ZGRF1: variants seen among roughly 807,000 people sequenced by gnomAD.
The protein encoded by ZGRF1 is 5'-3' DNA helicase ZGRF1.
ZGRF1 carries 196 observed loss-of-function variants against 203.5 expected under a neutral mutation model. That is an observed-to-expected ratio of 0.96 (90% CI 0.86 to 1.08). ZGRF1 has a LOEUF of 1.08. Ranked by LOEUF, ZGRF1 falls within the 50% of genes least tolerant of loss-of-function variation. The pLI, the probability that ZGRF1 is intolerant of heterozygous loss-of-function variation, is 0.00. For missense variants in ZGRF1, 2,326 were observed against 2,416.3 expected, an observed-to-expected ratio of 0.96 and a Z score of 0.78; for synonymous variants, 809 against 841.3, an observed-to-expected ratio of 0.96 and a Z score of 0.66.
At chr4:112,606,233 C>T (rs761876011) in intron 8 of ZGRF1, 142 bp from the exon 9 acceptor site, 26 of 602,492 alleles carry the variant, frequency 4.3e-5, no homozygotes, top group Non-Finnish European at 7.2e-5. Context: ...TCTGTCTACA[C>T]ACACATACAA....
Position 112,539,883 on chromosome 4 carries a change from C to T in ZGRF1, c.6152G>A (p.Arg2051Gln), listed in dbSNP as rs1251687820. ...TTTACCTTCGCAGTGTTGGATCACT[C>T]GTCCCCAAAGTTGATTTTTCCTCAA... is the stretch of plus-strand genomic sequence containing the variant. ...ACLRKNQLWG[R>Q]VIQHCEGRED... The change falls in exon 27 of 28, where the codon CGA (arginine) becomes CAA (glutamine). Residue 2051 changes from arginine (R) to glutamine (Q), a missense_variant. Transcript: ENST00000505019. The T allele has an allele frequency of 6.2e-7, 1 of 1,613,670 alleles. No individual in the cohort carries two copies. The highest frequency in any genetic ancestry group is 1.3e-5 in the African/African-American group (1 of 74,912).
intron 10 of ZGRF1, among the ~76,000 whole-genome samples, chr4:112,595,352 G>A (rs926474467): frequency 3.3e-5 from 5 of 152,026 alleles, no homozygotes; most frequent in Admixed American, 2.6e-4. Context: ...ATTATACTAT[G>A]ATTTAGCCCT....
intron 24 of ZGRF1, among the ~76,000 whole-genome samples, chr4:112,542,053 T>C (rs941266177): frequency 6.6e-6 from 1 of 152,108 alleles, no homozygotes; most frequent in Non-Finnish European, 1.5e-5. Flanking sequence ...TAGTAAATAA[T>C]GCTCACGCCA....
intron 7 of ZGRF1, among the ~76,000 whole-genome samples, chr4:112,611,463 C>T (rs2046675163): frequency 6.6e-6 from 1 of 152,138 alleles, no homozygotes; most frequent in African/African-American, 2.4e-5. Flanking sequence ...TCTTTTGTTC[C>T]AAACATGTCT....
intron 5 of ZGRF1, 109 bp downstream of exon 5, chr4:112,619,893 C>T (rs1042389728): frequency 5.2e-6 from 5 of 965,604 alleles, no homozygotes; most frequent in African/African-American, 1.7e-5. Context: ...CCTAAGTATA[C>T]TATGAAGTGC....
At chr4:112,602,740 T>A (rs1750169985) in intron 10 of ZGRF1, among the ~76,000 whole-genome samples, 1 of 152,176 alleles carries the variant, frequency 6.6e-6, no homozygotes, top group Non-Finnish European at 1.5e-5. Flanking sequence ...GGCAACAACA[T>A]AAATGAATTT....
rs747742862 is a variant in ZGRF1 at position 112,603,670 on chromosome 4, T to C, written c.2830A>G (p.Lys944Glu). The stretch of plus-strand genomic sequence containing the variant: ...ATTACACCACTAGTAGCTGATCCTT[T>C]TACTTGATGTCCTTGAAACTCAACA... ...KPVEFQGHQV[K>E]GSATSGVMVR... The change falls in exon 10 of 28, where the codon AAA (lysine) becomes GAA (glutamate). Residue 944 changes from lysine to glutamate, a missense_variant. Physicochemically the swap from Lys to Glu is moderately conservative, Grantham distance 56 (BLOSUM62 1). Transcript: ENST00000505019. 2 of 1,613,640 alleles carry C rather than the reference T, an allele frequency of 1.2e-6. No homozygotes were observed. The highest frequency in any genetic ancestry group is 2.7e-5 in the African/African-American group (2 of 74,924).
At position 112,618,980 on chromosome 4, in the gene ZGRF1, G is replaced by A. The variant is rs1232293329; in HGVS notation, c.1062C>T (p.Ala354=). 13 of 1,613,346 alleles carry A rather than the reference G, an allele frequency of 8.1e-6. No individual in the cohort carries two copies. Among genetic ancestry groups the A allele is most frequent in the Non-Finnish European group, 9.3e-6 (11 of 1,179,796 alleles). Residue 354 remains alanine, a synonymous_variant, in exon 6 of 28, where the codon GCC becomes GCT. Transcript: ENST00000505019. ...DGNDTERKPK[A]QEDDVNSNLK... ...AATTAGAATTTACATCATCTTCCTG[G>A]GCCTTGGGTTTCCTTTCTGTATCAT... is the stretch of plus-strand genomic sequence containing the variant.
chr4:112,608,036 T>C (rs1038227244), intron 8 of ZGRF1: 2 of 152,214 alleles, frequency 1.3e-5, no homozygotes, highest in Admixed American at 6.5e-5. Flanking sequence ...CAATAGATTA[T>C]TAAGACCTTT....
chr4:112,573,237 T>C (rs1744534945), intron 16 of ZGRF1, among the ~76,000 whole-genome samples: 1 of 150,826 alleles, frequency 6.6e-6, no homozygotes, highest in Admixed American at 6.6e-5. Context: ...AAGAAACGAA[T>C]AATGGCATTT....
In ZGRF1 at chr4:112,548,340, G is replaced by T; in HGVS notation, c.5387C>A (p.Pro1796Gln). The T allele has an allele frequency of 6.4e-7, 1 of 1,554,910 alleles. No individual in the cohort carries two copies. Residue 1796 changes from proline to glutamine, a missense_variant, in exon 23 of 28, where the codon CCA becomes CAA. Pro to Gln is a moderately conservative substitution (Grantham distance 76). Transcript: ENST00000505019. ...VGVTCAACPF[P>Q]CMNDLKFPVV... is the part of the protein sequence containing the mutation. ...AGGAAATTTAAGATCATTCATGCAT[G>T]GGAATGGGCAGGCTGCACAGGTAAC...
intron 10 of ZGRF1, among the ~76,000 whole-genome samples, chr4:112,593,868 A>G (rs985118625): frequency 1.4e-4 from 22 of 151,880 alleles, no homozygotes; most frequent in Non-Finnish European, 1.0e-4. Flanking sequence ...GGATCAATTG[A>G]TCGTCCCACC....
At chr4:112,635,338 T>G (rs551516945) in intron 1 of ZGRF1, among the ~76,000 whole-genome samples, 3 of 152,192 alleles carry the variant, frequency 2.0e-5, no homozygotes, top group African/African-American at 7.2e-5. Flanking sequence ...CAGATCTGTT[T>G]AATAGCTACC....
intron 24 of ZGRF1, among the ~76,000 whole-genome samples, chr4:112,545,757 T>C (rs1366517929): frequency 2.6e-5 from 4 of 152,140 alleles, no homozygotes; most frequent in African/African-American, 9.7e-5. Context: ...AGTACACACA[T>C]GCAATGGAAT....
intron 24 of ZGRF1, among the ~76,000 whole-genome samples, chr4:112,543,501 T>C (rs1738115148): frequency 6.6e-6 from 1 of 152,354 alleles, no homozygotes; most frequent in South Asian, 2.1e-4. Flanking sequence ...AAATCACTTT[T>C]TTGTCCATCC....
chr4:112,608,969 A>G (rs1052056759), intron 8 of ZGRF1, among the ~76,000 whole-genome samples: 23 of 152,326 alleles, frequency 1.5e-4, no homozygotes, highest in African/African-American at 5.5e-4. Context: ...AAATGATTTC[A>G]AAAACTGACA....
rs576291852 is a variant in ZGRF1, at chr4:112,556,987, T to C, written c.5120+1163A>G. 2.0e-5 allele frequency among the ~76,000 whole-genome samples: 3 copies of C among 152,304 alleles called. No individual in the cohort carries two copies. In the East Asian group the frequency reaches 5.8e-4, roughly 29 times the overall value. On this transcript the variant is annotated intron_variant, in intron 20 of 27. Transcript: ENST00000505019. ...TAATACTTCTTTGCATTTTTAATAG[T>C]CTTATGCAATCACAAAAATTATCTT... is the stretch of plus-strand genomic sequence containing the variant.
chr4:112,627,688 C>T (rs1482087579), intron 3 of ZGRF1, among the ~76,000 whole-genome samples: 4 of 152,126 alleles, frequency 2.6e-5, no homozygotes, highest in Non-Finnish European at 5.9e-5. Flanking sequence ...TGTAGTGAGC[C>T]GAGATCGTGC....
intron 16 of ZGRF1, among the ~76,000 whole-genome samples, chr4:112,572,371 C>T (rs1001322800): frequency 2.6e-5 from 4 of 152,172 alleles, no homozygotes; most frequent in East Asian, 1.9e-4. Flanking sequence ...GAAATTGGAT[C>T]CTCATCTCTC....
Sources: gnomAD v4.1 joint callset for allele counts (sites outside exome capture counted in the v4.1 genomes callset) on GRCh38, gnomAD v4.1.1 for gene constraint, MANE v1.5 for transcripts, NCBI Gene and HGNC (gene_info 2026-07-23, HGNC 2026-07-21) for gene names.